Variants in FAAH2 observed in about 807,000 individuals in gnomAD.
FAAH2 encodes the protein fatty acid amide hydrolase 2.
Under a neutral mutation model 36.9 loss-of-function variants are expected in FAAH2, and 60 were observed. The observed-to-expected ratio is 1.63, with a 90% confidence interval of 1.32 to 2.02. The LOEUF (loss-of-function observed/expected upper bound fraction) is 2.02. Among genes scored for constraint, FAAH2 ranks in the 30% most tolerant of loss-of-function variants. The pLI, the probability that FAAH2 is intolerant of heterozygous loss-of-function variation, is 0.00. For missense variants in FAAH2, 689 were observed against 397.5 expected (o/e 1.73, Z -6.23); for synonymous variants, 214 against 143.8 (o/e 1.49, Z -3.49).
intron 8 of FAAH2, among the ~76,000 whole-genome samples, chrX:57,434,986 GA>G (rs972393765): frequency 3.6e-5 from 4 of 110,941 alleles, no homozygotes; most frequent in South Asian, 3.7e-4. Context: ...ATTGCTGAAA[GA>G]AAAAAATACA....
At chrX:57,283,712 G>T (rs2051775418), upstream of FAAH2, among the ~76,000 whole-genome samples, 1 of 111,379 alleles carries the variant, frequency 9.0e-6, no homozygotes, top group South Asian at 3.8e-4. Flanking sequence ...TCTCTGTATG[G>T]TGGCTGCAGC....
At chrX:57,446,810 A>G (rs2056684344) in intron 8 of FAAH2, 118 bp from the exon 9 acceptor site, 5 of 436,504 alleles carry the variant, frequency 1.1e-5, no homozygotes, top group East Asian at 3.9e-5. Flanking sequence ...GTATTCATCA[A>G]TTGACTGGTA....
At chrX:57,443,210 C>A (rs2056601710) in intron 8 of FAAH2, among the ~76,000 whole-genome samples, 1 of 111,895 alleles carries the variant, frequency 8.9e-6, no homozygotes, top group South Asian at 3.7e-4. Context: ...GAGTGTTTTC[C>A]AACTTGATTC....
At chrX:57,415,485 C>G (rs1569328584) in intron 7 of FAAH2, among the ~76,000 whole-genome samples, 2 of 111,752 alleles carry the variant, frequency 1.8e-5, no homozygotes, top group Non-Finnish European at 3.8e-5. Context: ...GTTATTTTCC[C>G]AGTAGTCACT....
intron 7 of FAAH2, chrX:57,393,004 G>A: frequency 2.2e-6 from 2 of 905,513 alleles, no homozygotes; most frequent in Non-Finnish European, 3.2e-6. Flanking sequence ...AGGTCATAAA[G>A]GAGTTGGAAG....
intron 6 of FAAH2, among the ~76,000 whole-genome samples, chrX:57,380,397 A>G (rs1456441635): frequency 9.0e-6 from 1 of 111,371 alleles, no homozygotes; most frequent in Non-Finnish European, 1.9e-5. Flanking sequence ...CAGATAACTG[A>G]GACTCAATAT....
At chrX:57,353,059 C>T (rs897293167) in intron 5 of FAAH2, among the ~76,000 whole-genome samples, 1 of 110,278 alleles carries the variant, frequency 9.1e-6, no homozygotes, top group African/African-American at 3.3e-5. Flanking sequence ...AGTGCAATTC[C>T]TATCAAAATA....
At chrX:57,314,676 C>G (rs991360642) in intron 3 of FAAH2, among the ~76,000 whole-genome samples, 1 of 110,817 alleles carries the variant, frequency 9.0e-6, no homozygotes, top group Non-Finnish European at 1.9e-5. Flanking sequence ...ATTAATAACT[C>G]TTAGGTGAAC....
intron 2 of FAAH2, among the ~76,000 whole-genome samples, chrX:57,299,474 C>G (rs1389093545): frequency 9.0e-6 from 1 of 110,547 alleles, no homozygotes; most frequent in East Asian, 2.8e-4. Context: ...TAAGAGCTAT[C>G]TATGACAAAC....
the FAAH2 span, among the ~76,000 whole-genome samples, chrX:57,141,479 T>C: frequency 2.7e-5 from 3 of 111,999 alleles, no homozygotes; most frequent in African/African-American, 3.2e-5. Context: ...TCCTATTTGA[T>C]TTTTTGGAAT....
chrX:57,145,063 T>C, the FAAH2 span, among the ~76,000 whole-genome samples: 1 of 111,146 alleles, frequency 9.0e-6, no homozygotes, highest in Non-Finnish European at 1.9e-5. Context: ...GTATAATGAC[T>C]TTTTCTGTGG....
intron 3 of FAAH2, among the ~76,000 whole-genome samples, chrX:57,323,210 C>T (rs988685273): frequency 8.9e-6 from 1 of 111,879 alleles, no homozygotes; most frequent in Non-Finnish European, 1.9e-5. Context: ...ATATGTGTCA[C>T]ATTTTCTTAA....
At chrX:57,162,190 C>T in the FAAH2 span, among the ~76,000 whole-genome samples, 248 of 111,678 alleles carry the variant, frequency 2.2e-3, 1 homozygote, top group Admixed American at 3.7e-3. Context: ...ATATTGGCCC[C>T]CAATCTCTTC....
At chrX:57,459,971 G>C (rs2056929878) in intron 10 of FAAH2, among the ~76,000 whole-genome samples, 1 of 110,986 alleles carries the variant, frequency 9.0e-6, no homozygotes, top group South Asian at 3.8e-4. Flanking sequence ...CTCCAGCAAG[G>C]GCACAAAAAT....
the FAAH2 span, among the ~76,000 whole-genome samples, chrX:57,258,661 G>A: frequency 1.6e-4 from 18 of 109,339 alleles, no homozygotes; most frequent in South Asian, 6.6e-3. Context: ...TTCTTCCACG[G>A]AAAACTTACC....
At chrX:57,388,072 T>C (rs748769807) in intron 7 of FAAH2, among the ~76,000 whole-genome samples, 1 of 111,439 alleles carries the variant, frequency 9.0e-6, no homozygotes, top group South Asian at 3.7e-4. Flanking sequence ...GTTAAGGTTC[T>C]CCTGTCAGAA....
chrX:57,232,531 A>G, the FAAH2 span, among the ~76,000 whole-genome samples: 1 of 112,212 alleles, frequency 8.9e-6, no homozygotes, highest in Non-Finnish European at 1.9e-5. Flanking sequence ...GATTCTCAGA[A>G]TATGGGAGGA....
intron 8 of FAAH2, among the ~76,000 whole-genome samples, chrX:57,442,309 T>G (rs760257358): frequency 8.9e-6 from 1 of 112,009 alleles, no homozygotes; most frequent in South Asian, 3.7e-4. Context: ...TGGGTGCATA[T>G]ATATTTAGGA....
intron 5 of FAAH2, among the ~76,000 whole-genome samples, chrX:57,356,865 G>T (rs891939902): frequency 9.1e-6 from 1 of 110,391 alleles, no homozygotes; most frequent in Non-Finnish European, 1.9e-5. Flanking sequence ...AGGTATATAC[G>T]TGCAATGGTG....
Sources: gnomAD v4.1 joint callset for allele counts (sites outside exome capture counted in the v4.1 genomes callset) on GRCh38, gnomAD v4.1.1 for gene constraint, MANE v1.5 for transcripts, NCBI Gene and HGNC (gene_info 2026-07-23, HGNC 2026-07-21) for gene names.